The following PDIA3 variants were observed in gnomAD, a reference collection of about 807,000 sequenced individuals.
PDIA3 encodes the protein protein disulfide-isomerase A3.
Under a neutral mutation model 56.9 loss-of-function variants are expected in PDIA3, and 16 were observed. The ratio of observed to expected loss-of-function variants is 0.28; its 90% CI spans 0.19 to 0.43. The LOEUF (loss-of-function observed/expected upper bound fraction) is 0.43, where lower values mean the gene tolerates loss of function less well. Among genes scored for constraint, PDIA3 ranks in the 20% least tolerant of loss-of-function variants. The probability of loss-of-function intolerance (pLI) is 1.00; values close to 1 mark genes in which losing one functional copy is unlikely to be tolerated. For synonymous variants in PDIA3, 192 were observed against 216.5 expected (o/e 0.89, Z 0.99); for missense variants, 485 against 621.3 (o/e 0.78, Z 2.33).
rs888904750 is a variant in PDIA3, at chr15:43,771,788, C to G, written c.*570C>G. 2.5e-5 allele frequency: 10 copies of G among 397,118 alleles called. No homozygotes were observed. Among genetic ancestry groups the G allele is most frequent in the Non-Finnish European group, 4.0e-5 (9 of 225,746 alleles). 24.6% of individuals were successfully genotyped at this position (397,118 alleles called of 1,614,324 possible). A position where few individuals can be genotyped will look rare whatever the true frequency, so the allele number is the denominator to read the frequency against. ...GTCCATAGTTCATCACCTCAAAATT[C>G]TTTCAAAATTTATTATCTCTTTCTC... On this transcript the variant is annotated 3_prime_UTR_variant, in exon 13 of 13. Transcript: ENST00000300289.
chr15:43,770,065 C>T, intron 10 of PDIA3, among the ~76,000 whole-genome samples, 185 bp from the exon 11 acceptor site: 1 of 152,194 alleles, frequency 6.6e-6, no homozygotes, highest in East Asian at 1.9e-4. Flanking sequence ...CTACCATCTG[C>T]AAACCACTCT....
rs1220704133 is a variant in PDIA3 at position 43,772,256 on chromosome 15, T to C, written c.*1038T>C. On this transcript the variant is annotated 3_prime_UTR_variant, in exon 13 of 13. Coordinates refer to ENST00000300289, the MANE Select transcript of PDIA3 (RefSeq NM_005313.5). ...GGTAAATTCAAATCCTGCCCAGTTA[T>C]AGTTTTCAGTCACTGGAGAATTCCA... The C allele has an allele frequency of 2.6e-5, 4 of 152,232 alleles. No individual in the cohort carries two copies. The highest frequency in any genetic ancestry group is 6.5e-5 in the Admixed American group (1 of 15,286). 9.4% of individuals were successfully genotyped at this position (152,232 alleles called of 1,614,324 possible).
Position 43,753,939 on chromosome 15 carries a change from G to A in PDIA3, c.246+37G>A, listed in dbSNP as rs749330881. 4 of 1,427,770 alleles carry A rather than the reference G, an allele frequency of 2.8e-6. No homozygotes were observed. The South Asian group carries it at 3.5e-5, about 12-fold the overall frequency. The allele number at this position is 1,427,770 out of a possible 1,614,324, so 88.4% of individuals were successfully genotyped here. A position where few individuals can be genotyped will look rare whatever the true frequency, so the allele number is the denominator to read the frequency against. ...TGGATTCTTCACTAAAGGACGTGAA[G>A]TATTTTAAAAAGTAGTTTGTTGTCT... is the stretch of plus-strand genomic sequence containing the variant. On this transcript the variant is annotated intron_variant, in intron 2 of 12. Transcript: ENST00000300289.
intron 2 of PDIA3, among the ~76,000 whole-genome samples, 177 bp from the exon 3 acceptor site, chr15:43,756,472 G>T (rs1462887902): frequency 6.6e-6 from 1 of 152,224 alleles, no homozygotes; most frequent in Admixed American, 6.5e-5. Flanking sequence ...TCCTTAGGCA[G>T]TTCTGATGTA....
rs376357067 is a variant in PDIA3, at chr15:43,756,785, A to G, written c.364+19A>G. 1.1e-4 allele frequency: 142 copies of G among 1,308,740 alleles called. No individual in the cohort carries two copies. The highest frequency in any genetic ancestry group is 1.3e-4 in the Non-Finnish European group (120 of 907,522). 81.1% of individuals were successfully genotyped at this position (1,308,740 alleles called of 1,614,324 possible). On this transcript the variant is annotated intron_variant, in intron 3 of 12. Transcript: ENST00000300289. Reference sequence around the variant, plus strand: ...ACTGCTGGTAAGGATCCTGAATTACATTCTGGAAACTGATGTTAAGTACCT... The same window carrying G: ...ACTGCTGGTAAGGATCCTGAATTACGTTCTGGAAACTGATGTTAAGTACCT...
At chr15:43,752,919 C>A in intron 1 of PDIA3, 1 of 467,758 alleles carries the variant, frequency 2.1e-6, no homozygotes, top group Non-Finnish European at 4.4e-6. Context: ...GCAGAGGAGC[C>A]GGTGCTTCTG....
intron 3 of PDIA3, among the ~76,000 whole-genome samples, chr15:43,757,115 G>C (rs1737224548): frequency 6.6e-6 from 1 of 152,192 alleles, no homozygotes; most frequent in Admixed American, 6.6e-5. Flanking sequence ...TGGGGGATGA[G>C]GGGGAGAAGG....
At chr15:43,748,026 C>A (rs2955973) in intron 1 of PDIA3, among the ~76,000 whole-genome samples, 3 of 152,306 alleles carry the variant, frequency 2.0e-5, no homozygotes, top group South Asian at 2.1e-4. Context: ...ATTATATAAT[C>A]ATGCTGTTAG....
In PDIA3 at chr15:43,770,738, G is replaced by A. The variant is rs141083255; in HGVS notation, c.1404+158G>A. Among the ~76,000 whole-genome samples, 1,177 of 152,118 alleles carry A rather than the reference G, an allele frequency of 7.7e-3. 17 individuals are homozygous for A. The highest frequency in any genetic ancestry group is 0.027 in the African/African-American group (1,124 of 41,490). ...GGCTGGAGTGCAATGGCGTGATCTCGGCTCACCGTTCAAGCGATTCTCCTG... is the reference window on the plus strand; with the variant it reads ...GGCTGGAGTGCAATGGCGTGATCTCAGCTCACCGTTCAAGCGATTCTCCTG... On this transcript the variant is annotated intron_variant, in intron 12 of 12. Transcript: ENST00000300289.
intron 1 of PDIA3, 104 bp downstream of exon 1, chr15:43,746,810 G>C (rs2141639589): frequency 1.3e-5 from 17 of 1,259,874 alleles, no homozygotes; most frequent in South Asian, 1.2e-4. Flanking sequence ...CTTCATTCCT[G>C]TGGGCCCCTG....
chr15:43,751,615 C>G, intron 1 of PDIA3: 1 of 1,304,104 alleles, frequency 7.7e-7, no homozygotes, highest in South Asian at 1.2e-5. Context: ...AGAGGAGAGT[C>G]TCCTCCAGCC....
chr15:43,768,355 A>G (rs1297826555), intron 8 of PDIA3, 134 bp from the exon 9 acceptor site: 3 of 611,122 alleles, frequency 4.9e-6, no homozygotes, highest in Non-Finnish European at 9.1e-6. Flanking sequence ...GTAGTTCTGC[A>G]TATTGAGAGA....
chr15:43,761,809 G>C (rs1397445619), intron 4 of PDIA3, among the ~76,000 whole-genome samples: 1 of 152,084 alleles, frequency 6.6e-6, no homozygotes, highest in Non-Finnish European at 1.5e-5. Flanking sequence ...AAAGGGACTG[G>C]AAGGGGTGGG....
At chr15:43,755,600 A>G (rs930260663) in intron 2 of PDIA3, among the ~76,000 whole-genome samples, 1 of 152,188 alleles carries the variant, frequency 6.6e-6, no homozygotes, top group African/African-American at 2.4e-5. Flanking sequence ...AATCTTATCA[A>G]GCAGCTTGCC....
At chr15:43,748,421 T>C (rs1355622844) in intron 1 of PDIA3, among the ~76,000 whole-genome samples, 2 of 151,994 alleles carry the variant, frequency 1.3e-5, no homozygotes, top group African/African-American at 2.4e-5. Flanking sequence ...GAGGCTGCAG[T>C]GAGCCACGAT....
chr15:43,769,249 T>A (rs2141657641), intron 9 of PDIA3, among the ~76,000 whole-genome samples: 1 of 152,296 alleles, frequency 6.6e-6, no homozygotes, highest in South Asian at 2.1e-4. Context: ...CCACCAAGCT[T>A]GGCTTGAAAT....
intron 4 of PDIA3, 22 bp downstream of exon 4, chr15:43,761,553 G>C: frequency 8.2e-7 from 1 of 1,213,992 alleles, no homozygotes. Flanking sequence ...ATATTAAACC[G>C]TGCCACAGAA....
intron 3 of PDIA3, among the ~76,000 whole-genome samples, chr15:43,757,669 G>A (rs978598667): frequency 2.0e-5 from 3 of 151,806 alleles, no homozygotes; most frequent in Non-Finnish European, 4.4e-5. Context: ...GGCCAGCCTG[G>A]CCAGCATGGT....
intron 2 of PDIA3, among the ~76,000 whole-genome samples, chr15:43,755,254 G>T (rs918082820): frequency 6.6e-6 from 1 of 152,128 alleles, no homozygotes; most frequent in South Asian, 2.1e-4. Flanking sequence ...TTGAACCCAG[G>T]GGGGCGGAGG....
Sources: allele counts gnomAD v4.1 joint callset (sites outside exome capture counted in the v4.1 genomes callset), GRCh38; gene constraint gnomAD v4.1.1; transcripts MANE v1.5; gene names NCBI Gene and HGNC (gene_info 2026-07-23, HGNC 2026-07-21).